Variants in KIAA2012 observed in about 807,000 individuals in gnomAD.
The protein encoded by KIAA2012 is uncharacterized protein KIAA2012.
KIAA2012 carries 125 observed loss-of-function variants against 150.6 expected under a neutral mutation model. The observed-to-expected ratio is 0.83, with a 90% CI of 0.72 to 0.96. KIAA2012 has a LOEUF of 0.96. Among genes scored for constraint, KIAA2012 ranks in the 40% least tolerant of loss-of-function variants. The probability of loss-of-function intolerance (pLI) is 0.00; values close to 1 mark genes in which losing one functional copy is unlikely to be tolerated. For missense variants in KIAA2012, 1,219 were observed against 1,354.9 expected (o/e 0.90, Z 1.57); for synonymous variants, 462 against 504.7 (o/e 0.92, Z 1.13).
intron 2 of KIAA2012, among the ~76,000 whole-genome samples, chr2:202,077,554 G>A (rs1373895918): frequency 6.6e-6 from 1 of 152,166 alleles, no homozygotes; most frequent in Admixed American, 6.5e-5. Flanking sequence ...TGAGTAGAGG[G>A]AAATGGTGTG....
chr2:202,078,806 CACTCAAAGTTATACAGCCAAGTA>C (rs1429101354), intron 2 of KIAA2012, among the ~76,000 whole-genome samples: 5 of 152,158 alleles, frequency 3.3e-5, no homozygotes, highest in African/African-American at 4.8e-5. Flanking sequence ...TCGAGTGACT[CACTCAAAGTTATACAGCCAAGTA>C]AATCACTGCA....
intron 14 of KIAA2012, among the ~76,000 whole-genome samples, chr2:202,161,203 T>C (rs1358239417): frequency 6.6e-6 from 1 of 152,180 alleles, no homozygotes; most frequent in African/African-American, 2.4e-5. Flanking sequence ...CTGCAGGACC[T>C]GTACTTCAGC....
intron 11 of KIAA2012, among the ~76,000 whole-genome samples, chr2:202,120,630 C>T (rs1054196058): frequency 1.1e-4 from 17 of 152,158 alleles, no homozygotes; most frequent in Admixed American, 3.9e-4. Flanking sequence ...TCTGCCACAA[C>T]GATTGCTATT....
chr2:202,201,804 T>C, intron 22 of KIAA2012: 4 of 1,300,704 alleles, frequency 3.1e-6, no homozygotes, highest in Non-Finnish European at 4.5e-6. Flanking sequence ...CTGAGAAAGA[T>C]GCAAGGTCTG....
chr2:202,078,750 C>A (rs1489244505), intron 2 of KIAA2012, among the ~76,000 whole-genome samples: 1 of 152,098 alleles, frequency 6.6e-6, no homozygotes, highest in Non-Finnish European at 1.5e-5. Flanking sequence ...GGCATAAGTA[C>A]TATTATTATC....
chr2:202,081,465 C>T (rs1689449303), intron 2 of KIAA2012, among the ~76,000 whole-genome samples: 1 of 152,148 alleles, frequency 6.6e-6, no homozygotes, highest in African/African-American at 2.4e-5. Flanking sequence ...ATTCTACATT[C>T]CCACCAGCAG....
chr2:202,197,096 G>T, intron 22 of KIAA2012, 77 bp downstream of exon 22: 1 of 1,542,916 alleles, frequency 6.5e-7, no homozygotes, highest in African/African-American at 1.4e-5. Flanking sequence ...TGCTAGCTTT[G>T]CACTGCCTTT....
Position 202,175,880 on chromosome 2 carries a change from C to G in KIAA2012, c.2120-8873C>G, listed in dbSNP as rs531517012. On this transcript the variant is annotated intron_variant, in intron 15 of 23. Coordinates refer to ENST00000498697, the MANE Select transcript of KIAA2012 (RefSeq NM_001277372.4). ...AAAAAATAAAACTGTGTGCTATTGG[C>G]TTAGAGACAGACAGAAGAGAATAGA... Among the ~76,000 whole-genome samples the G allele has an allele frequency of 4.0e-4, 61 of 152,200 alleles. No homozygotes were observed. The South Asian group carries it at 0.01, about 26-fold the overall frequency.
chr2:202,074,763 A>C (rs1051464811), intron 1 of KIAA2012, 128 bp from the exon 2 acceptor site: 1 of 955,704 alleles, frequency 1.0e-6, no homozygotes, highest in Admixed American at 2.9e-5. Flanking sequence ...ATTGTGTTCC[A>C]TAACACCATG....
chr2:202,191,299 T>TAAG (rs1231881721), intron 19 of KIAA2012, among the ~76,000 whole-genome samples: 1 of 151,864 alleles, frequency 6.6e-6, no homozygotes, highest in African/African-American at 2.4e-5. Context: ...CCACAAGATG[T>TAAG]AAGAGTCACT....
At chr2:202,162,540 G>A (rs925147998) in intron 14 of KIAA2012, among the ~76,000 whole-genome samples, 3 of 149,830 alleles carry the variant, frequency 2.0e-5, no homozygotes, top group Non-Finnish European at 3.0e-5. Flanking sequence ...CTCCTAAAGT[G>A]CTGGGATTAT....
chr2:202,130,393 C>A (rs571394905), intron 12 of KIAA2012, among the ~76,000 whole-genome samples: 59 of 152,148 alleles, frequency 3.9e-4, no homozygotes, highest in African/African-American at 1.3e-3. Context: ...GGATCAGGAC[C>A]TTGCCCAAGT....
chr2:202,100,679 G>A (rs1359382698), intron 7 of KIAA2012, among the ~76,000 whole-genome samples: 1 of 152,174 alleles, frequency 6.6e-6, no homozygotes, highest in East Asian at 1.9e-4. Flanking sequence ...CTACCTTAAA[G>A]CATGTGTTAT....
intron 17 of KIAA2012, among the ~76,000 whole-genome samples, chr2:202,187,937 A>G (rs1050319184): frequency 1.3e-5 from 2 of 152,174 alleles, no homozygotes; most frequent in Non-Finnish European, 2.9e-5. Context: ...CTTTCCTCTT[A>G]TGAAATTATT....
intron 13 of KIAA2012, among the ~76,000 whole-genome samples, chr2:202,145,611 A>C (rs781566090): frequency 6.0e-4 from 90 of 150,724 alleles, no homozygotes; most frequent in Admixed American, 4.4e-3. Flanking sequence ...GTAAAAGGAT[A>C]GTATGATGAA....
chr2:202,158,124 A>G (rs1179588684), intron 14 of KIAA2012, among the ~76,000 whole-genome samples: 1 of 152,066 alleles, frequency 6.6e-6, no homozygotes, highest in Non-Finnish European at 1.5e-5. Flanking sequence ...CCTCCCAAGT[A>G]GCTGGGACTA....
chr2:202,078,138 G>C (rs548026990), intron 2 of KIAA2012, among the ~76,000 whole-genome samples: 1 of 152,108 alleles, frequency 6.6e-6, no homozygotes, highest in East Asian at 1.9e-4. Context: ...TTGACTACAG[G>C]GTTCTTTATT....
intron 2 of KIAA2012, 136 bp from the exon 3 acceptor site, chr2:202,090,634 G>A: frequency 1.1e-6 from 1 of 940,366 alleles, no homozygotes; most frequent in African/African-American, 1.7e-5. Context: ...TATTAGCCGA[G>A]GCATCTGTTT....
At chr2:202,105,729 T>C in intron 8 of KIAA2012, 32 bp from the exon 9 acceptor site, 2 of 1,545,170 alleles carry the variant, frequency 1.3e-6, no homozygotes, top group South Asian at 1.2e-5. Context: ...AACAGACCTC[T>C]GCTACAATTC....
Sources: gnomAD v4.1 joint callset for allele counts (sites outside exome capture counted in the v4.1 genomes callset) on GRCh38, gnomAD v4.1.1 for gene constraint, MANE v1.5 for transcripts, NCBI Gene and HGNC (gene_info 2026-07-23, HGNC 2026-07-21) for gene names.